The following SCG5 variants were observed in gnomAD, a reference collection of about 807,000 sequenced individuals.
SCG5 encodes the protein neuroendocrine protein 7B2.
A neutral mutation model predicts 25.7 loss-of-function variants in SCG5; 18 were observed. The observed-to-expected ratio is 0.70, with a 90% confidence interval of 0.48 to 1.04. The LOEUF (loss-of-function observed/expected upper bound fraction) is 1.04. SCG5 is among the 50% of genes least tolerant of loss of function. The probability of loss-of-function intolerance (pLI) is 0.00; values close to 1 mark genes in which losing one functional copy is unlikely to be tolerated. For missense variants in SCG5, 206 were observed against 259.8 expected, an observed-to-expected ratio of 0.79 and a Z score of 1.42; for synonymous variants, 101 against 91.7, an observed-to-expected ratio of 1.10 and a Z score of -0.58.
At chr15:32,686,497 AT>A (rs2054712113) in intron 4 of SCG5, among the ~76,000 whole-genome samples, 1 of 152,212 alleles carries the variant, frequency 6.6e-6, no homozygotes, top group African/African-American at 2.4e-5. Context: ...AAGAAGAGAT[AT>A]GTCAGGTTCA....
chr15:32,647,612 C>T (rs2053964467), intron 2 of SCG5, among the ~76,000 whole-genome samples: 1 of 152,158 alleles, frequency 6.6e-6, no homozygotes, highest in Non-Finnish European at 1.5e-5. Flanking sequence ...AGCCTTTCCT[C>T]ACATGCCAAT....
intron 4 of SCG5, among the ~76,000 whole-genome samples, chr15:32,687,384 G>A (rs113557482): frequency 3.9e-5 from 6 of 152,282 alleles, no homozygotes; most frequent in African/African-American, 1.2e-4. Context: ...AGAGATCAAT[G>A]ACCAGGAACA....
chr15:32,663,031 G>GT (rs2054248938), intron 2 of SCG5, among the ~76,000 whole-genome samples: 3 of 44,808 alleles, frequency 6.7e-5, no homozygotes, highest in Admixed American at 4.0e-4. Flanking sequence ...TAAAAAAAAA[G>GT]AATATATATA....
chr15:32,671,668 T>C (rs1236488420), intron 2 of SCG5, among the ~76,000 whole-genome samples: 1 of 151,210 alleles, frequency 6.6e-6, no homozygotes, highest in Non-Finnish European at 1.5e-5. Context: ...GCGCTTTTTG[T>C]AAAATTGTGT....
intron 2 of SCG5, chr15:32,665,998 T>G (rs569317624): frequency 6.6e-6 from 1 of 152,344 alleles, no homozygotes; most frequent in African/African-American, 2.4e-5. Flanking sequence ...AAGTTTTCCT[T>G]TTTCAAAATC....
At chr15:32,688,820 G>C (rs372526006) in intron 4 of SCG5, among the ~76,000 whole-genome samples, 12 of 152,056 alleles carry the variant, frequency 7.9e-5, no homozygotes, top group African/African-American at 2.4e-4. Context: ...TTAGCCGGGC[G>C]CGGTGGCGGG....
chr15:32,661,601 C>T (rs905674414), intron 2 of SCG5, among the ~76,000 whole-genome samples: 17 of 152,080 alleles, frequency 1.1e-4, no homozygotes, highest in East Asian at 3.9e-4. Context: ...GCCTGGGCAA[C>T]GAGCGAAACT....
intron 5 of SCG5, among the ~76,000 whole-genome samples, chr15:32,694,898 G>A (rs533711367): frequency 6.6e-6 from 1 of 152,340 alleles, no homozygotes; most frequent in African/African-American, 2.4e-5. Context: ...AAGAGTCATG[G>A]CAGGTTATTT....
At chr15:32,694,521 AT>A (rs1189399641) in intron 5 of SCG5, among the ~76,000 whole-genome samples, 2 of 152,254 alleles carry the variant, frequency 1.3e-5, no homozygotes, top group African/African-American at 4.8e-5. Flanking sequence ...CTCATATTTG[AT>A]AAACTTGAAC....
At chr15:32,672,562 G>T (rs2054448601) in intron 2 of SCG5, among the ~76,000 whole-genome samples, 1 of 152,226 alleles carries the variant, frequency 6.6e-6, no homozygotes, top group Non-Finnish European at 1.5e-5. Context: ...TGACACCGGA[G>T]ATCCCCTGAG....
chr15:32,643,790 G>A lies in SCG5; in HGVS notation c.198G>A (p.Met66Ile). The A allele has an allele frequency of 1.9e-6, 3 of 1,613,790 alleles. No homozygotes were observed. The highest frequency in any genetic ancestry group is 2.5e-6 in the Non-Finnish European group (3 of 1,179,884). Residue 66 changes from methionine (M) to isoleucine (I), a missense_variant, in exon 2 of 6, where the codon ATG becomes ATA. Coordinates refer to ENST00000300175, the MANE Select transcript of SCG5 (RefSeq NM_001144757.3). ...TGGAATATCCAGCTCACCAGGCCAT[G>A]AATCTTGTGGGCCCCCAGAGCATTG... ...PRVEYPAHQA[M>I]NLVGPQSIEG...
chr15:32,673,913 G>A (rs1024207062), intron 2 of SCG5, among the ~76,000 whole-genome samples: 6 of 151,994 alleles, frequency 3.9e-5, no homozygotes, highest in African/African-American at 1.4e-4. Flanking sequence ...TAGAAATGGG[G>A]TTTCACCATC....
chr15:32,659,607 G>A (rs1358323363), intron 2 of SCG5, among the ~76,000 whole-genome samples: 1 of 152,204 alleles, frequency 6.6e-6, no homozygotes, highest in Non-Finnish European at 1.5e-5. Context: ...CAGAGGTTAT[G>A]GCTGAGGAAA....
At chr15:32,661,170 G>A (rs1448570485) in intron 2 of SCG5, among the ~76,000 whole-genome samples, 7 of 152,212 alleles carry the variant, frequency 4.6e-5, no homozygotes, top group Admixed American at 4.6e-4. Context: ...TGCCAAGATG[G>A]AACAGAAGGG....
rs182086894 is a variant in SCG5 at position 32,642,637 on chromosome 15, T to C, written c.-8+859T>C. Reference sequence around the variant, plus strand: ...TGCCTGAAGCATGCATCCAAACACGTTAAGCAGCTGTGGGGTAAGCTGCAA... The same window carrying C: ...TGCCTGAAGCATGCATCCAAACACGCTAAGCAGCTGTGGGGTAAGCTGCAA... On this transcript the variant is annotated intron_variant, in intron 1 of 5. Coordinates refer to ENST00000300175, the MANE Select transcript of SCG5 (RefSeq NM_001144757.3). Among the ~76,000 whole-genome samples the C allele has an allele frequency of 3.7e-3, 560 of 150,228 alleles. 4 individuals are homozygous for C. Among genetic ancestry groups the C allele is most frequent in the African/African-American group, 0.013 (524 of 40,730 alleles).
At chr15:32,688,754 C>T (rs945038841) in intron 4 of SCG5, among the ~76,000 whole-genome samples, 8 of 152,082 alleles carry the variant, frequency 5.3e-5, no homozygotes, top group East Asian at 3.9e-4. Context: ...GTCAGGAGAT[C>T]GAGACCATCC....
intron 2 of SCG5, among the ~76,000 whole-genome samples, chr15:32,673,499 A>G (rs1000474578): frequency 6.7e-6 from 1 of 149,660 alleles, no homozygotes; most frequent in African/African-American, 2.5e-5. Context: ...TTCACCTTGA[A>G]TCAGAATCCA....
chr15:32,691,298 G>T (rs927528101), intron 4 of SCG5, among the ~76,000 whole-genome samples: 2 of 152,206 alleles, frequency 1.3e-5, no homozygotes, highest in East Asian at 3.8e-4. Context: ...TTACACAGGG[G>T]ATTGTTGTTA....
chr15:32,667,266 A>G lies in SCG5; in HGVS notation c.227-12500A>G, dbSNP rs565099036. On this transcript the variant is annotated intron_variant, in intron 2 of 5. Coordinates refer to ENST00000300175, the MANE Select transcript of SCG5 (RefSeq NM_001144757.3). The stretch of plus-strand genomic sequence containing the variant: ...GGGACTAGAACTGACTCAGGCCAAC[A>G]TTATTTTTCATCAATAGTTCTAGTT... 4.1e-4 allele frequency among the ~76,000 whole-genome samples: 62 copies of G among 152,364 alleles called. 1 individual carries two copies. The highest frequency in any genetic ancestry group is 3.2e-3 in the Admixed American group (49 of 15,304).
Sources: gnomAD v4.1 joint callset for allele counts (sites outside exome capture counted in the v4.1 genomes callset) on GRCh38, gnomAD v4.1.1 for gene constraint, MANE v1.5 for transcripts, NCBI Gene and HGNC (gene_info 2026-07-23, HGNC 2026-07-21) for gene names.